The following PPHLN1 variants were observed in gnomAD, a reference collection of about 807,000 sequenced individuals.
The protein encoded by PPHLN1 is periphilin-1.
In PPHLN1, 29 loss-of-function variants were observed where a neutral mutation model predicts 51.3. The ratio of observed to expected loss-of-function variants is 0.57; its 90% CI spans 0.42 to 0.77. The LOEUF (loss-of-function observed/expected upper bound fraction) is 0.77. Ranked by LOEUF, PPHLN1 falls within the 30% of genes least tolerant of loss-of-function variation. PPHLN1 has a pLI of 0.00. For missense variants in PPHLN1, 436 were observed against 438.4 expected, an observed-to-expected ratio of 0.99 and a Z score of 0.05; for synonymous variants, 147 against 147.8, an observed-to-expected ratio of 0.99 and a Z score of 0.04.
chr12:42,430,340 T>TC (rs79937760), intron 9 of PPHLN1, among the ~76,000 whole-genome samples: 11,685 of 151,904 alleles, frequency 0.077, 504 homozygotes, highest in East Asian at 0.15. Context: ...TGTGATGCTG[T>TC]CCCCCCGCCA....
At chr12:42,409,888 A>T (rs1037803040) in intron 9 of PPHLN1, among the ~76,000 whole-genome samples, 1 of 152,074 alleles carries the variant, frequency 6.6e-6, no homozygotes, top group African/African-American at 2.4e-5. Context: ...GAGTTCTGAC[A>T]GTTTTATATT....
chr12:42,343,335 A>G (rs921289751), intron 2 of PPHLN1, among the ~76,000 whole-genome samples: 1 of 152,180 alleles, frequency 6.6e-6, no homozygotes, highest in Non-Finnish European at 1.5e-5. Context: ...TTTCCCATGT[A>G]AGTACAACTT....
At chr12:42,394,213 G>A (rs2077993169) in intron 8 of PPHLN1, among the ~76,000 whole-genome samples, 1 of 152,080 alleles carries the variant, frequency 6.6e-6, no homozygotes, top group Non-Finnish European at 1.5e-5. Context: ...AAAGGTTTAT[G>A]ACACGTTTGT....
At chr12:42,437,746 T>A (rs2082608008) in intron 9 of PPHLN1, among the ~76,000 whole-genome samples, 1 of 152,228 alleles carries the variant, frequency 6.6e-6, no homozygotes, top group Non-Finnish European at 1.5e-5. Context: ...CTGTGAATTT[T>A]GACAAATGTA....
chr12:42,382,294 A>AG (rs1344014559), intron 5 of PPHLN1, among the ~76,000 whole-genome samples: 180 of 152,332 alleles, frequency 1.2e-3, no homozygotes, highest in Non-Finnish European at 5.3e-4. Flanking sequence ...ATATGGAACC[A>AG]GTATTTGAAA....
In PPHLN1 at chr12:42,435,940, C is replaced by T. The variant is rs1197444379; in HGVS notation, c.910-5375C>T. Among the ~76,000 whole-genome samples, 6 of 152,232 alleles carry T rather than the reference C, an allele frequency of 3.9e-5. 1 individual carries two copies. Among genetic ancestry groups the T allele is most frequent in the African/African-American group, 1.2e-4 (5 of 41,550 alleles). On this transcript the variant is annotated intron_variant, in intron 9 of 9. Transcript: ENST00000358314. ...TCATGTCCAGTATGGCAGCCACTAG[C>T]GTTTGAAATAGAGCTAGTGTGACTG... is the stretch of plus-strand genomic sequence containing the variant.
At chr12:42,351,569 G>C (rs1043665724) in intron 2 of PPHLN1, 1 of 172,560 alleles carries the variant, frequency 5.8e-6, no homozygotes, top group African/African-American at 2.4e-5. Flanking sequence ...ATTAGGGATA[G>C]AGCTACTGTA....
At chr12:42,374,540 C>T (rs1014677102) in intron 4 of PPHLN1, 71 of 212,920 alleles carry the variant, frequency 3.3e-4, no homozygotes, top group Middle Eastern at 4.3e-3. Flanking sequence ...CCCAGGTTCA[C>T]GCTGTTCTCC....
chr12:42,337,304 C>T (rs1343056443), intron 2 of PPHLN1, among the ~76,000 whole-genome samples: 1 of 149,048 alleles, frequency 6.7e-6, no homozygotes, highest in Non-Finnish European at 1.5e-5. Context: ...ACTCTTGTCA[C>T]CTCAGCTGGA....
intron 5 of PPHLN1, among the ~76,000 whole-genome samples, chr12:42,384,315 G>C (rs2077013713): frequency 1.3e-5 from 2 of 152,096 alleles, no homozygotes; most frequent in Non-Finnish European, 2.9e-5. Context: ...TTGTTATGGA[G>C]TTTGTATCTT....
intron 2 of PPHLN1, among the ~76,000 whole-genome samples, chr12:42,346,382 C>T (rs1034261448): frequency 2.6e-5 from 4 of 151,968 alleles, no homozygotes; most frequent in East Asian, 3.8e-4. Context: ...TAATGTCCTT[C>T]GGGTATATCC....
chr12:42,407,127 C>T (rs1309524456), intron 9 of PPHLN1, among the ~76,000 whole-genome samples: 2 of 152,170 alleles, frequency 1.3e-5, no homozygotes, highest in East Asian at 1.9e-4. Flanking sequence ...TAGAGGTAGT[C>T]TTCCTACCTT....
chr12:42,385,663 G>C (rs955591676), intron 6 of PPHLN1, among the ~76,000 whole-genome samples: 1 of 152,158 alleles, frequency 6.6e-6, no homozygotes, highest in East Asian at 1.9e-4. Flanking sequence ...ATGCTGATTG[G>C]TCCAGTGCCT....
intron 9 of PPHLN1, among the ~76,000 whole-genome samples, chr12:42,411,081 C>T (rs1157733700): frequency 6.6e-6 from 1 of 151,890 alleles, no homozygotes; most frequent in African/African-American, 2.4e-5. Flanking sequence ...ATTTAATATC[C>T]TCTATTTTCT....
At chr12:42,350,106 CG>C (rs1484135044) in intron 2 of PPHLN1, 1 of 148,148 alleles carries the variant, frequency 6.8e-6, no homozygotes, top group Non-Finnish European at 1.5e-5. Context: ...GGCTGCCGGG[CG>C]GGGGCGCCCC....
chr12:42,403,212 C>T (rs2078992552), intron 9 of PPHLN1, among the ~76,000 whole-genome samples: 1 of 152,132 alleles, frequency 6.6e-6, no homozygotes, highest in African/African-American at 2.4e-5. Flanking sequence ...CTTTAAAGTG[C>T]AGCTCTCACC....
At chr12:42,359,737 G>A (rs1398849981) in intron 4 of PPHLN1, 4 of 152,206 alleles carry the variant, frequency 2.6e-5, no homozygotes, top group Non-Finnish European at 4.4e-5. Context: ...AGTTAGGAAA[G>A]CCATGTCAGT....
At chr12:42,444,723 AT>A (rs1391844531), downstream of PPHLN1, 2 of 291,366 alleles carry the variant, frequency 6.9e-6, no homozygotes, top group Non-Finnish European at 1.3e-5. Flanking sequence ...AGACCTTCAG[AT>A]AGCACTCTCT....
chr12:42,356,406 C>G (rs1379466277), intron 4 of PPHLN1, among the ~76,000 whole-genome samples: 1 of 152,178 alleles, frequency 6.6e-6, no homozygotes, highest in Non-Finnish European at 1.5e-5. Flanking sequence ...GGGTCAAGAG[C>G]TTGGTACCTT....
Sources: allele counts gnomAD v4.1 joint callset (sites outside exome capture counted in the v4.1 genomes callset), GRCh38; gene constraint gnomAD v4.1.1; transcripts MANE v1.5; gene names NCBI Gene and HGNC (gene_info 2026-07-23, HGNC 2026-07-21).